F8: variants seen among roughly 807,000 people sequenced by gnomAD.
F8 encodes the protein coagulation factor VIII, also known as antihemophilic factor.
In F8, 12 loss-of-function variants were observed where a neutral mutation model predicts 140.6. The observed-to-expected ratio is 0.09, with a 90% CI of 0.05 to 0.14. The LOEUF is 0.14. Among genes scored for constraint, F8 ranks in the 10% least tolerant of loss-of-function variants. F8 has a pLI of 1.00. For synonymous variants in F8, 585 were observed against 614.6 expected (o/e 0.95, Z 0.71); for missense variants, 1,354 against 1,720.7 (o/e 0.79, Z 3.77).
At chrX:154,861,568 G>A in intron 24 of F8, 150 bp downstream of exon 24, 1 of 622,877 alleles carries the variant, frequency 1.6e-6, no homozygotes, top group Non-Finnish European at 2.6e-6. Context: ...ATGCCTGTGT[G>A]GTTGTCTGCC....
intron 19 of F8, 107 bp downstream of exon 19, chrX:154,901,944 G>A (rs781883093): frequency 8.5e-6 from 5 of 584,931 alleles, no homozygotes; most frequent in Non-Finnish European, 1.5e-5. Context: ...TGATAATGAT[G>A]TAAACTTGTA....
intron 12 of F8, among the ~76,000 whole-genome samples, chrX:154,953,200 A>G (rs782104830): frequency 8.9e-6 from 1 of 112,016 alleles, no homozygotes; most frequent in Admixed American, 9.5e-5. Flanking sequence ...CCCATCCCAA[A>G]TTTATACCTT....
chrX:154,941,188 A>G (rs1484087754), intron 13 of F8, among the ~76,000 whole-genome samples: 4 of 111,859 alleles, frequency 3.6e-5, no homozygotes, highest in African/African-American at 1.3e-4. Flanking sequence ...ATGTAAATGG[A>G]CTAAATGCTC....
At chrX:154,983,406 C>A (rs781940806) in intron 6 of F8, among the ~76,000 whole-genome samples, 46 of 111,726 alleles carry the variant, frequency 4.1e-4, no homozygotes, top group African/African-American at 1.4e-3. Context: ...ACCACATGTT[C>A]TCACTCACAT....
chrX:154,989,788 A>G (rs2073577703), intron 4 of F8, among the ~76,000 whole-genome samples: 1 of 112,125 alleles, frequency 8.9e-6, no homozygotes, highest in Non-Finnish European at 1.9e-5. Context: ...TCCCCAAGCT[A>G]TCTCATTATA....
chrX:154,849,130 C>A, intron 25 of F8, among the ~76,000 whole-genome samples: 1 of 110,379 alleles, frequency 9.1e-6, no homozygotes, highest in Non-Finnish European at 1.9e-5. Context: ...TCCGCCACCA[C>A]ACCCGGCTAA....
intron 1 of F8, among the ~76,000 whole-genome samples, chrX:155,002,903 A>T (rs1233826972): frequency 1.8e-5 from 2 of 112,086 alleles, no homozygotes; most frequent in African/African-American, 6.5e-5. Context: ...GTGAGGCAGT[A>T]TCTCTTTGTA....
At chrX:154,976,363 G>T (rs1442789322) in intron 6 of F8, among the ~76,000 whole-genome samples, 1 of 111,110 alleles carries the variant, frequency 9.0e-6, no homozygotes, top group Non-Finnish European at 1.9e-5. Context: ...GCAGTATGTA[G>T]TTAGATCTTT....
intron 1 of F8, among the ~76,000 whole-genome samples, chrX:155,019,523 G>A (rs2073749912): frequency 9.0e-6 from 1 of 111,353 alleles, no homozygotes; most frequent in African/African-American, 3.3e-5. Flanking sequence ...GCTGGGTGCG[G>A]TGGCTCAAAC....
At chrX:154,918,504 T>C (rs1476892540) in intron 14 of F8, among the ~76,000 whole-genome samples, 1 of 110,139 alleles carries the variant, frequency 9.1e-6, no homozygotes, top group Non-Finnish European at 1.9e-5. Context: ...CATCTAGATG[T>C]CACTTTTTCT....
At chrX:154,938,923 CAA>C (rs1212320735) in intron 13 of F8, among the ~76,000 whole-genome samples, 1 of 109,304 alleles carries the variant, frequency 9.1e-6, no homozygotes, top group African/African-American at 3.3e-5. Flanking sequence ...TTATATAAAA[CAA>C]TAATAATGTC....
chrX:154,928,898 GCTGCTA>G lies in F8; in HGVS notation c.4886_4891del (p.Ile1629_Ala1631delinsThr). The G allele has an allele frequency of 8.3e-7, 1 of 1,211,380 alleles. No homozygotes were observed. ...GGGCTTATTTTGTCCCTCATTTATTGCTGCTATTGCATGATTGCTTTCACAAGCGTT... is the reference window on the plus strand; with the variant it reads ...GGGCTTATTTTGTCCCTCATTTATTGTTGCATGATTGCTTTCACAAGCGTT... On this transcript the variant is annotated inframe_deletion, in exon 14 of 26. Coordinates refer to ENST00000360256, the MANE Select transcript of F8 (RefSeq NM_000132.4).
chrX:154,969,233 T>A, intron 7 of F8, 98 bp downstream of exon 7: 1 of 814,877 alleles, frequency 1.2e-6, no homozygotes, highest in Non-Finnish European at 1.8e-6. Flanking sequence ...TAATGTCCCC[T>A]TCAGCAACAC....
At chrX:155,000,314 C>T (rs1291036158) in intron 1 of F8, among the ~76,000 whole-genome samples, 1 of 111,953 alleles carries the variant, frequency 8.9e-6, no homozygotes, top group Non-Finnish European at 1.9e-5. Flanking sequence ...GAATAAGGGA[C>T]ACTGGCCCCA....
At chrX:154,894,569 A>C (rs2072969066) in intron 22 of F8, among the ~76,000 whole-genome samples, 1 of 110,423 alleles carries the variant, frequency 9.1e-6, no homozygotes, top group Non-Finnish European at 1.9e-5. Context: ...AAATACAAAA[A>C]TTAGCTGGGT....
Position 154,903,986 on chromosome X carries a change from T to A in F8, c.5918A>T (p.His1973Leu), listed in dbSNP as rs1273080258. Residue 1973 changes from histidine (H) to leucine (L), a missense_variant, in exon 18 of 26, where the codon CAT (histidine) becomes CTT (leucine). Physicochemically the swap from His to Leu is moderately conservative, Grantham distance 99. Transcript: ENST00000360256. ...LLSMGSNENI[H>L]SIHFSGHVFT... ...CACATGTCCACTGAAATGAATAGAA[T>A]GGATGTTTTCATTGCTGCCCATGCT... 1 of 1,210,037 alleles carries A rather than the reference T, an allele frequency of 8.3e-7. No individual in the cohort carries two copies. Among genetic ancestry groups the A allele is most frequent in the Non-Finnish European group, 1.1e-6 (1 of 893,802 alleles).
rs1000290380 is a variant in F8 at position 154,931,309 on chromosome X, G to A, written c.2481C>T (p.Leu827=). 8.3e-7 allele frequency: 1 copy of A among 1,208,852 alleles called. No individual in the cohort carries two copies. ...PTPHGLSLSD[L]QEAKYETFSD... ...AAAAAGTCTCATATTTGGCTTCTTG[G>A]AGATCAGATAAGGATAGCCCATGTG... Residue 827 remains leucine, a synonymous_variant, in exon 14 of 26, where the codon CTC becomes CTT. Transcript: ENST00000360256.
intron 1 of F8, among the ~76,000 whole-genome samples, chrX:155,012,725 C>G (rs1172291420): frequency 1.8e-5 from 2 of 108,318 alleles, no homozygotes; most frequent in Non-Finnish European, 1.9e-5. Flanking sequence ...AAAAAAAAAC[C>G]AAACCAAAAC....
At chrX:154,977,844 G>C (rs1445820686) in intron 6 of F8, among the ~76,000 whole-genome samples, 1 of 110,190 alleles carries the variant, frequency 9.1e-6, no homozygotes, top group Non-Finnish European at 1.9e-5. Flanking sequence ...TCATTAAATA[G>C]GCTTTCTAAC....
Sources: gnomAD v4.1 joint callset for allele counts (sites outside exome capture counted in the v4.1 genomes callset) on GRCh38, gnomAD v4.1.1 for gene constraint, MANE v1.5 for transcripts, NCBI Gene and HGNC (gene_info 2026-07-23, HGNC 2026-07-21) for gene names.